The following ELMO1 variants were observed in gnomAD, a reference collection of about 807,000 sequenced individuals.
ELMO1 encodes the protein engulfment and cell motility protein 1.
Under a neutral mutation model 98.9 loss-of-function variants are expected in ELMO1, and 26 were observed. The ratio of observed to expected loss-of-function variants is 0.26; its 90% CI spans 0.19 to 0.36. The LOEUF (loss-of-function observed/expected upper bound fraction) is 0.36. Ranked by LOEUF, ELMO1 falls within the 10% of genes least tolerant of loss-of-function variation. ELMO1 has a pLI of 1.00. For missense variants in ELMO1, 627 were observed against 935.2 expected (o/e 0.67, Z 4.30); for synonymous variants, 346 against 346.0 (o/e 1.00, Z 0.00).
intron 4 of ELMO1, among the ~76,000 whole-genome samples, chr7:37,274,696 G>A (rs1796732589): frequency 6.6e-6 from 1 of 152,130 alleles, no homozygotes; most frequent in Non-Finnish European, 1.5e-5. Flanking sequence ...GGGATTACAG[G>A]AGCCTGTCAC....
chr7:37,277,917 C>T (rs1414701111), intron 4 of ELMO1, among the ~76,000 whole-genome samples: 1 of 152,220 alleles, frequency 6.6e-6, no homozygotes, highest in Non-Finnish European at 1.5e-5. Flanking sequence ...CAGGAACTTT[C>T]TGAAAGACCC....
chr7:37,166,992 T>C (rs1387539461), intron 13 of ELMO1, among the ~76,000 whole-genome samples: 4 of 152,040 alleles, frequency 2.6e-5, no homozygotes, highest in Non-Finnish European at 5.9e-5. Flanking sequence ...TGTAGGTCAC[T>C]CAGGAGTTGC....
At chr7:36,884,025 AG>A (rs1804703078) in intron 18 of ELMO1, among the ~76,000 whole-genome samples, 1 of 152,162 alleles carries the variant, frequency 6.6e-6, no homozygotes, top group African/African-American at 2.4e-5. Context: ...TCCTGTGCTT[AG>A]AAATATACAT....
chr7:37,249,235 G>A (rs1392264846), intron 6 of ELMO1, among the ~76,000 whole-genome samples: 1 of 152,164 alleles, frequency 6.6e-6, no homozygotes, highest in African/African-American at 2.4e-5. Flanking sequence ...ATGAGATGGA[G>A]GGAACCTGTT....
intron 16 of ELMO1, among the ~76,000 whole-genome samples, chr7:36,963,629 T>C (rs1451515409): frequency 2.6e-5 from 4 of 152,142 alleles, no homozygotes; most frequent in East Asian, 3.9e-4. Flanking sequence ...ACCTGTAAGA[T>C]TGAATTAGTT....
chr7:37,073,752 A>C (rs1177335201), intron 15 of ELMO1, among the ~76,000 whole-genome samples: 3 of 151,810 alleles, frequency 2.0e-5, no homozygotes, highest in Non-Finnish European at 2.9e-5. Context: ...TGTCCAGGTA[A>C]TTTTATTTTA....
chr7:37,141,256 A>G (rs1042204199), intron 13 of ELMO1, among the ~76,000 whole-genome samples: 4 of 152,210 alleles, frequency 2.6e-5, no homozygotes, highest in Admixed American at 2.6e-4. Flanking sequence ...GGAATTGGAG[A>G]CTGTTAATCT....
chr7:36,908,473 C>T (rs923399650), intron 16 of ELMO1, among the ~76,000 whole-genome samples: 1 of 151,336 alleles, frequency 6.6e-6, no homozygotes, highest in African/African-American at 2.4e-5. Context: ...TTATTAAAAA[C>T]AAAATGATTT....
At chr7:37,431,903 T>C (rs574276817) in intron 1 of ELMO1, among the ~76,000 whole-genome samples, 1 of 152,264 alleles carries the variant, frequency 6.6e-6, no homozygotes, top group South Asian at 2.1e-4. Context: ...TTTTTTGACA[T>C]GGAGTTTCGC....
In ELMO1 at chr7:36,878,041, T is replaced by G. The variant is rs139405263; in HGVS notation, c.1791A>C (p.Gly597=). Reference sequence around the variant, plus strand: ...CCTGCAAGGAATCGTGGGGCACTTCTCCCTGAGGACTCTCTTCTAAGTCTC... The same window carrying G: ...CCTGCAAGGAATCGTGGGGCACTTCGCCCTGAGGACTCTCTTCTAAGTCTC... ...HYGDLEESPQ[G]EVPHDSLQDK... is the part of the protein sequence containing the mutation. The change falls in exon 19 of 22, where the codon GGA becomes GGC. Residue 597 remains glycine (G), a synonymous_variant. Transcript: ENST00000310758. The G allele has an allele frequency of 6.2e-7, 1 of 1,614,056 alleles. No individual in the cohort carries two copies. The highest frequency in any genetic ancestry group is 1.1e-5 in the South Asian group (1 of 91,066).
intron 15 of ELMO1, among the ~76,000 whole-genome samples, chr7:37,088,576 A>C (rs1018972094): frequency 4.6e-5 from 7 of 152,220 alleles, no homozygotes; most frequent in Admixed American, 2.0e-4. Flanking sequence ...ATGACTGATG[A>C]TGATATCCCT....
intron 1 of ELMO1, among the ~76,000 whole-genome samples, chr7:37,394,414 G>A (rs962774178): frequency 1.4e-4 from 21 of 152,060 alleles, no homozygotes; most frequent in Admixed American, 6.6e-4. Flanking sequence ...GGCCTCAGAC[G>A]GTCAGCAAGA....
In ELMO1 at chr7:37,114,053, C is replaced by T. The variant is rs768211290; in HGVS notation, c.1192-17326G>A. Reference sequence around the variant, plus strand: ...GGGAGGAAGGAGTAGGATAGAAGGACGTAAGGCTGGAAAGCCAGAACACTG... The same window carrying T: ...GGGAGGAAGGAGTAGGATAGAAGGATGTAAGGCTGGAAAGCCAGAACACTG... On this transcript the variant is annotated intron_variant, in intron 14 of 21. Coordinates refer to ENST00000310758, the MANE Select transcript of ELMO1 (RefSeq NM_014800.11). Among the ~76,000 whole-genome samples, 61 of 152,188 alleles carry T rather than the reference C, an allele frequency of 4.0e-4. 1 individual carries two copies. Among genetic ancestry groups the T allele is most frequent in the African/African-American group, 1.9e-4 (8 of 41,458 alleles).
intron 15 of ELMO1, among the ~76,000 whole-genome samples, chr7:37,058,207 T>C (rs1328355982): frequency 1.3e-5 from 2 of 152,168 alleles, no homozygotes; most frequent in African/African-American, 2.4e-5. Flanking sequence ...AGGTCCCTTC[T>C]CCTTCTCACT....
chr7:36,964,914 C>T (rs1789280874), intron 16 of ELMO1, among the ~76,000 whole-genome samples: 1 of 152,174 alleles, frequency 6.6e-6, no homozygotes, highest in Non-Finnish European at 1.5e-5. Flanking sequence ...TACTGAGTTT[C>T]CATCACAGCC....
chr7:36,995,014 C>G (rs1176474380), intron 16 of ELMO1, among the ~76,000 whole-genome samples: 1 of 152,192 alleles, frequency 6.6e-6, no homozygotes, highest in Non-Finnish European at 1.5e-5. Context: ...CAGACCACAC[C>G]TGGAGCTTGG....
At chr7:37,133,273 A>G in intron 13 of ELMO1, 39 bp from the exon 14 acceptor site, 2 of 1,533,656 alleles carry the variant, frequency 1.3e-6, no homozygotes, top group Non-Finnish European at 1.8e-6. Flanking sequence ...TGAATTCTTC[A>G]GCAGATTTTA....
intron 17 of ELMO1, among the ~76,000 whole-genome samples, chr7:36,889,880 A>G (rs556341656): frequency 6.6e-6 from 1 of 152,342 alleles, no homozygotes; most frequent in Admixed American, 6.5e-5. Flanking sequence ...GAAATGAGAC[A>G]GCTCTTTCTT....
rs959898347 is a variant in ELMO1, at chr7:36,940,790, G to A, written c.1438-45773C>T. On this transcript the variant is annotated intron_variant, in intron 16 of 21. Transcript: ENST00000310758. The stretch of plus-strand genomic sequence containing the variant: ...CTAGCATGTGCAGGCTCTCTGCTAG[G>A]CACTGGGGGACTCTACAACAAGAGT... Among the ~76,000 whole-genome samples, 6 of 152,328 alleles carry A rather than the reference G, an allele frequency of 3.9e-5. No homozygotes were observed. In the East Asian group the frequency reaches 1.2e-3, roughly 29 times the overall value.
Sources: allele counts gnomAD v4.1 joint callset (sites outside exome capture counted in the v4.1 genomes callset), GRCh38; gene constraint gnomAD v4.1.1; transcripts MANE v1.5; gene names NCBI Gene and HGNC (gene_info 2026-07-23, HGNC 2026-07-21).